CLVS1: variants seen among roughly 807,000 people sequenced by gnomAD.
CLVS1 encodes the protein clavesin 1.
CLVS1 carries 10 observed loss-of-function variants against 33.1 expected under a neutral mutation model. The observed-to-expected ratio is 0.30, with a 90% confidence interval of 0.19 to 0.51. The LOEUF (loss-of-function observed/expected upper bound fraction) is 0.51, where lower values mean the gene tolerates loss of function less well. CLVS1 is among the 20% of genes least tolerant of loss of function. The probability of loss-of-function intolerance (pLI) is 0.97; values close to 1 mark genes in which losing one functional copy is unlikely to be tolerated. For missense variants in CLVS1, 343 were observed against 433.4 expected (o/e 0.79, Z 1.85); for synonymous variants, 163 against 166.1 (o/e 0.98, Z 0.14).
At position 61,087,203 on chromosome 8, in the gene CLVS1, A is replaced by T. The variant is rs369304530; in HGVS notation, c.-243+29973A>T. Among the ~76,000 whole-genome samples, 45 of 152,290 alleles carry T rather than the reference A, an allele frequency of 3.0e-4. No individual in the cohort carries two copies. In the East Asian group the frequency reaches 4.0e-3, roughly 14 times the overall value. ...AATGTTTCCTGTGGAGCAGATGTGG[A>T]TTGCACAGGCCAGAGGGCTATGGTC... On this transcript the variant is annotated intron_variant, in intron 1 of 2. Transcript: ENST00000522621.
At chr8:61,481,983 C>G (rs1008243334) in intron 5 of CLVS1, among the ~76,000 whole-genome samples, 27 of 152,182 alleles carry the variant, frequency 1.8e-4, no homozygotes, top group Non-Finnish European at 3.1e-4. Flanking sequence ...CAGCTAGGTG[C>G]CCCTCTGAGA....
At chr8:61,203,777 T>A (rs139814432) in intron 2 of CLVS1, among the ~76,000 whole-genome samples, 2 of 152,196 alleles carry the variant, frequency 1.3e-5, no homozygotes, top group African/African-American at 4.8e-5. Flanking sequence ...TCCTTGGATG[T>A]TATTTCTACT....
intron 5 of CLVS1, among the ~76,000 whole-genome samples, chr8:61,477,729 T>C (rs1052708992): frequency 2.0e-5 from 3 of 152,180 alleles, no homozygotes; most frequent in African/African-American, 7.2e-5. Flanking sequence ...ATCAATTTTG[T>C]CGATCTTTTC....
chr8:61,331,823 TTCC>T (rs71257360), intron 2 of CLVS1, among the ~76,000 whole-genome samples: 9,330 of 141,836 alleles, frequency 0.066, 494 homozygotes, highest in South Asian at 0.16. Context: ...CCTCCTCCTC[TTCC>T]TCCTCCTCCT....
At chr8:61,128,353 A>G (rs1249794706) in intron 1 of CLVS1, among the ~76,000 whole-genome samples, 1 of 152,222 alleles carries the variant, frequency 6.6e-6, no homozygotes, top group Non-Finnish European at 1.5e-5. Context: ...TTTCAAATAT[A>G]TTACCTCAGA....
Position 61,455,396 on chromosome 8 carries a change from C to T in CLVS1, c.741+1145C>T, listed in dbSNP as rs150743392. ...CTCTCAGCTCCTGGCAACCACCCTTCTATTCTATACTTCTATGATTTCAAC... is the reference window on the plus strand; with the variant it reads ...CTCTCAGCTCCTGGCAACCACCCTTTTATTCTATACTTCTATGATTTCAAC... On this transcript the variant is annotated intron_variant, in intron 4 of 5. Coordinates refer to ENST00000325897, the MANE Select transcript of CLVS1 (RefSeq NM_173519.3). 5.9e-5 allele frequency among the ~76,000 whole-genome samples: 9 copies of T among 152,224 alleles called. No individual in the cohort carries two copies. The East Asian group carries it at 1.7e-3, about 29-fold the overall frequency.
At chr8:61,028,624 A>G in the CLVS1 span, among the ~76,000 whole-genome samples, 1 of 152,158 alleles carries the variant, frequency 6.6e-6, no homozygotes, top group East Asian at 1.9e-4. Context: ...GGGAAGGGCC[A>G]TGTTGGCTGT....
intron 4 of CLVS1, 69 bp downstream of exon 4, chr8:61,454,320 C>A: frequency 9.4e-7 from 1 of 1,068,912 alleles, no homozygotes; most frequent in Non-Finnish European, 1.5e-6. Flanking sequence ...TCTCTCCCCT[C>A]CTCTCTCCTT....
At chr8:61,298,287 A>T (rs1469711989) in intron 1 of CLVS1, among the ~76,000 whole-genome samples, 1 of 152,164 alleles carries the variant, frequency 6.6e-6, no homozygotes, top group Non-Finnish European at 1.5e-5. Flanking sequence ...TACTGTTATG[A>T]GTCCTCAAAA....
chr8:61,425,386 A>G (rs1372096156), intron 3 of CLVS1, among the ~76,000 whole-genome samples: 1 of 152,198 alleles, frequency 6.6e-6, no homozygotes, highest in African/African-American at 2.4e-5. Flanking sequence ...TGGATTCTCA[A>G]GTTCTAATGT....
chr8:61,487,667 A>G (rs555952221), intron 5 of CLVS1, among the ~76,000 whole-genome samples: 31 of 152,360 alleles, frequency 2.0e-4, no homozygotes, highest in Non-Finnish European at 3.8e-4. Context: ...ATTTTCGTGC[A>G]CTGCACTGTT....
chr8:61,356,380 T>A (rs1161765395), intron 2 of CLVS1, among the ~76,000 whole-genome samples: 1 of 152,136 alleles, frequency 6.6e-6, no homozygotes, highest in African/African-American at 2.4e-5. Context: ...TTCACTCTGA[T>A]GGTAGTTTCT....
intron 5 of CLVS1, among the ~76,000 whole-genome samples, chr8:61,462,202 A>G (rs1817392320): frequency 1.3e-5 from 2 of 152,198 alleles, no homozygotes. Flanking sequence ...AACTTCTTCC[A>G]AAGTCCTGTT....
chr8:61,001,862 C>G, the CLVS1 span, among the ~76,000 whole-genome samples: 1 of 152,252 alleles, frequency 6.6e-6, no homozygotes, highest in Non-Finnish European at 1.5e-5. Flanking sequence ...TCCCACCATT[C>G]CTTCAAGATT....
chr8:61,464,186 G>A (rs557578697), intron 5 of CLVS1, among the ~76,000 whole-genome samples: 1 of 152,106 alleles, frequency 6.6e-6, no homozygotes, highest in South Asian at 2.1e-4. Context: ...GGTGCCAATA[G>A]ACTTGCTGAA....
At chr8:61,307,244 T>A (rs142142132) in intron 2 of CLVS1, among the ~76,000 whole-genome samples, 23 of 152,288 alleles carry the variant, frequency 1.5e-4, no homozygotes, top group Non-Finnish European at 2.9e-4. Context: ...TTGTTTCTCA[T>A]AATTAAAAGC....
At chr8:61,376,560 C>T (rs1319161079) in intron 2 of CLVS1, 45 bp from the exon 3 acceptor site, 2 of 1,582,646 alleles carry the variant, frequency 1.3e-6, no homozygotes, top group Non-Finnish European at 1.7e-6. Context: ...CATGCTATCA[C>T]CTGCTCATAT....
chr8:61,273,499 T>C (rs1287732176), intron 2 of CLVS1, among the ~76,000 whole-genome samples: 2 of 152,240 alleles, frequency 1.3e-5, no homozygotes, highest in Non-Finnish European at 2.9e-5. Flanking sequence ...CAGGCCTCCT[T>C]GAGCTGTGGT....
the CLVS1 span, among the ~76,000 whole-genome samples, chr8:60,988,654 C>T: frequency 1.3e-5 from 2 of 152,078 alleles, no homozygotes; most frequent in African/African-American, 2.4e-5. Context: ...AAAATCTATT[C>T]CCAAGAGTAT....
Sources: gnomAD v4.1 joint callset for allele counts (sites outside exome capture counted in the v4.1 genomes callset) on GRCh38, gnomAD v4.1.1 for gene constraint, MANE v1.5 for transcripts, NCBI Gene and HGNC (gene_info 2026-07-23, HGNC 2026-07-21) for gene names.